The following USP28 variants were observed in gnomAD, a reference collection of about 807,000 sequenced individuals.
The protein encoded by USP28 is ubiquitin carboxyl-terminal hydrolase 28.
A neutral mutation model predicts 145.0 loss-of-function variants in USP28; 113 were observed. The observed-to-expected ratio is 0.78, with a 90% confidence interval of 0.67 to 0.91. The LOEUF (loss-of-function observed/expected upper bound fraction) is 0.91, where lower values mean the gene tolerates loss of function less well. Among genes scored for constraint, USP28 ranks in the 40% least tolerant of loss-of-function variants. The pLI, the probability that USP28 is intolerant of heterozygous loss-of-function variation, is 0.00. For synonymous variants in USP28, 447 were observed against 450.9 expected, an observed-to-expected ratio of 0.99 and a Z score of 0.11; for missense variants, 1,201 against 1,289.6, an observed-to-expected ratio of 0.93 and a Z score of 1.05.
At chr11:113,812,590 T>C (rs1353752833) in intron 15 of USP28, 86 bp from the exon 16 acceptor site, 12 of 1,152,772 alleles carry the variant, frequency 1.0e-5, no homozygotes, top group Non-Finnish European at 1.3e-5. Context: ...CTGTTTATGA[T>C]GTGATTAATG....
At chr11:113,871,765 G>A (rs949537002) in intron 1 of USP28, among the ~76,000 whole-genome samples, 2 of 152,170 alleles carry the variant, frequency 1.3e-5, no homozygotes, top group Non-Finnish European at 2.9e-5. Flanking sequence ...TAGAAAAGAA[G>A]ATTATCTATT....
chr11:113,835,317 G>A (rs1944445581), intron 5 of USP28: 2 of 455,886 alleles, frequency 4.4e-6, no homozygotes, highest in Non-Finnish European at 8.8e-6. Flanking sequence ...TGGAACTCCT[G>A]AAGAAGCATC....
In USP28 at chr11:113,808,416, TGAGAA is replaced by T; in HGVS notation, c.2181_2185del (p.Ser728TrpfsTer8). 1.2e-6 allele frequency: 2 copies of T among 1,614,078 alleles called. No homozygotes were observed. Among genetic ancestry groups the T allele is most frequent in the Non-Finnish European group, 1.7e-6 (2 of 1,180,018 alleles). On this transcript the variant is annotated frameshift_variant, in exon 18 of 25. Coordinates refer to ENST00000003302, the Ensembl canonical transcript of USP28. LOFTEE classifies it high-confidence loss of function. ...CTCAGACGACAAGCAGCGAACCCCATGAGAAGAGGCTACTGAAGGCTCTGATAAAG... is the reference window on the plus strand; with the variant it reads ...CTCAGACGACAAGCAGCGAACCCCATGAGGCTACTGAAGGCTCTGATAAAG...
At chr11:113,875,065 T>C (rs1427932149) in intron 1 of USP28, among the ~76,000 whole-genome samples, 2 of 152,142 alleles carry the variant, frequency 1.3e-5, no homozygotes, top group Non-Finnish European at 2.9e-5. Flanking sequence ...AAAACTGATT[T>C]AAAAGTCAAA....
chr11:113,875,123 C>G (rs1949242854), intron 1 of USP28, among the ~76,000 whole-genome samples: 1 of 152,198 alleles, frequency 6.6e-6, no homozygotes, highest in South Asian at 2.1e-4. Flanking sequence ...TTTCTCACCC[C>G]GGACGGGGCC....
At chr11:113,797,947 CA>C (rs1283981418) in exon 25 of USP28, 8 of 152,248 alleles carry the variant, frequency 5.3e-5, no homozygotes, top group African/African-American at 1.9e-4. Flanking sequence ...TTCATGATTC[CA>C]TTAATCTTTA....
intron 5 of USP28, 86 bp downstream of exon 5, chr11:113,840,512 C>A: frequency 6.7e-7 from 1 of 1,488,350 alleles, no homozygotes; most frequent in South Asian, 1.4e-5. Flanking sequence ...TATTTTAATC[C>A]TTTGAAAGCT....
intron 24 of USP28, 125 bp from the exon 26 acceptor site, chr11:113,799,540 T>C (rs933240530): frequency 3.6e-6 from 4 of 1,105,430 alleles, no homozygotes; most frequent in Non-Finnish European, 3.7e-6. Flanking sequence ...CAGTTACTAA[T>C]AAATGATTAT....
intron 12 of USP28, among the ~76,000 whole-genome samples, chr11:113,822,789 A>G (rs1372524623): frequency 6.6e-6 from 1 of 152,144 alleles, no homozygotes; most frequent in Non-Finnish European, 1.5e-5. Context: ...GACTAGTCAC[A>G]ATACATCTTG....
Position 113,829,192 on chromosome 11 carries a change from C to T in USP28, c.1059+5G>A, listed in dbSNP as rs370126389. 22 of 1,612,652 alleles carry T rather than the reference C, an allele frequency of 1.4e-5. No individual in the cohort carries two copies. The highest frequency in any genetic ancestry group is 5.3e-5 in the African/African-American group (4 of 74,862). On this transcript the variant is annotated splice_donor_5th_base_variant and intron_variant, in intron 10 of 24. Transcript: ENST00000003302. The stretch of plus-strand genomic sequence containing the variant: ...TGGCACAGCAAATAAAGATCTCCAA[C>T]GTACCTCTTGTCCATACTTCACCGA...
chr11:113,871,688 G>C (rs779187222), intron 1 of USP28, among the ~76,000 whole-genome samples: 1 of 152,188 alleles, frequency 6.6e-6, no homozygotes, highest in Non-Finnish European at 1.5e-5. Context: ...AGATGAGATG[G>C]CGTAGGGAGA....
At chr11:113,840,971 T>A (rs550981099) in intron 4 of USP28, among the ~76,000 whole-genome samples, 26 of 152,316 alleles carry the variant, frequency 1.7e-4, no homozygotes, top group African/African-American at 6.0e-4. Flanking sequence ...ACAGACATTA[T>A]TACTAATAAG....
chr11:113,823,765 A>G, intron 11 of USP28, 65 bp from the exon 12 acceptor site: 1 of 1,339,656 alleles, frequency 7.5e-7, no homozygotes, highest in Non-Finnish European at 1.0e-6. Context: ...AGTCTCAGTA[A>G]ACTAAAGATT....
chr11:113,839,279 C>T (rs928854855), intron 5 of USP28, among the ~76,000 whole-genome samples: 2 of 152,160 alleles, frequency 1.3e-5, no homozygotes, highest in East Asian at 1.9e-4. Context: ...ACCTCAGACT[C>T]GGCATATCTA....
At chr11:113,871,161 G>T (rs1186823707) in intron 1 of USP28, among the ~76,000 whole-genome samples, 2 of 152,156 alleles carry the variant, frequency 1.3e-5, no homozygotes, top group African/African-American at 2.4e-5. Flanking sequence ...TCAACACGAG[G>T]TCATTGAACA....
At chr11:113,833,785 C>T (rs755282809) in intron 6 of USP28, among the ~76,000 whole-genome samples, 2 of 152,168 alleles carry the variant, frequency 1.3e-5, no homozygotes, top group Non-Finnish European at 2.9e-5. Flanking sequence ...CAGAAATGTC[C>T]ACTTTCTGAA....
At chr11:113,811,313 G>A (rs1027831199) in intron 16 of USP28, among the ~76,000 whole-genome samples, 2 of 152,174 alleles carry the variant, frequency 1.3e-5, no homozygotes, top group African/African-American at 2.4e-5. Flanking sequence ...AAGAAGTAAA[G>A]TACCAATATA....
intron 3 of USP28, among the ~76,000 whole-genome samples, chr11:113,842,453 C>T (rs937076085): frequency 3.3e-5 from 5 of 151,716 alleles, no homozygotes; most frequent in East Asian, 1.9e-4. Flanking sequence ...GGCGTGGTGG[C>T]GGGCGCCTGT....
intron 1 of USP28, among the ~76,000 whole-genome samples, chr11:113,869,724 A>G (rs1256636906): frequency 6.6e-6 from 1 of 152,246 alleles, no homozygotes; most frequent in Non-Finnish European, 1.5e-5. Context: ...CACGAGTAAT[A>G]CAAGTGTACA....
Sources: allele counts gnomAD v4.1 joint callset (sites outside exome capture counted in the v4.1 genomes callset), GRCh38; gene constraint gnomAD v4.1.1; transcripts MANE v1.5; gene names NCBI Gene and HGNC (gene_info 2026-07-23, HGNC 2026-07-21).